TEX14: variants seen among roughly 807,000 people sequenced by gnomAD.
TEX14 encodes the protein testis expressed 14, intercellular bridge forming factor.
In TEX14, 168 loss-of-function variants were observed where a neutral mutation model predicts 178.6. The ratio of observed to expected loss-of-function variants is 0.94; its 90% CI spans 0.83 to 1.07. TEX14 has a LOEUF of 1.07. Ranked by LOEUF, TEX14 falls within the 50% of genes least tolerant of loss-of-function variation. TEX14 has a pLI of 0.00. For synonymous variants in TEX14, 626 were observed against 634.1 expected, an observed-to-expected ratio of 0.99 and a Z score of 0.19; for missense variants, 1,730 against 1,753.6, an observed-to-expected ratio of 0.99 and a Z score of 0.24.
intron 19 of TEX14, among the ~76,000 whole-genome samples, chr17:58,580,468 C>T (rs576794175): frequency 2.0e-5 from 3 of 152,144 alleles, no homozygotes; most frequent in African/African-American, 4.8e-5. Flanking sequence ...CCTGCCACTG[C>T]GCCCGGTTAA....
At chr17:58,558,945 A>C (rs1039008995) in intron 30 of TEX14, among the ~76,000 whole-genome samples, 1 of 152,098 alleles carries the variant, frequency 6.6e-6, no homozygotes, top group African/African-American at 2.4e-5. Context: ...CGAGGCAGGC[A>C]GATCACCTGA....
In TEX14 at chr17:58,576,441, G is replaced by A. The variant is rs552262961; in HGVS notation, c.3320+934C>T. Among the ~76,000 whole-genome samples, 44 of 151,466 alleles carry A rather than the reference G, an allele frequency of 2.9e-4. 1 individual carries two copies. The highest frequency in any genetic ancestry group is 1.7e-4 in the African/African-American group (7 of 41,136). ...GGAGGTTGCAGTGAGCTGAGATCAC[G>A]CCACTGCAGTGAGCTGAGATCACGC... On this transcript the variant is annotated intron_variant, in intron 21 of 31. Coordinates refer to ENST00000349033, the MANE Select transcript of TEX14 (RefSeq NM_031272.5).
In TEX14 at chr17:58,610,948, T is replaced by C. The variant is rs553927436; in HGVS notation, c.1184+213A>G. The stretch of plus-strand genomic sequence containing the variant: ...TATAGCATTTATGCACATTGGCTAA[T>C]ACGAGCTCTTACTTGTTAAATGTTT... On this transcript the variant is annotated intron_variant, in intron 10 of 31. Coordinates refer to ENST00000349033, the MANE Select transcript of TEX14 (RefSeq NM_031272.5). 4.6e-5 allele frequency among the ~76,000 whole-genome samples: 7 copies of C among 152,054 alleles called. No individual in the cohort carries two copies. In the South Asian group the frequency reaches 1.2e-3, roughly 27 times the overall value.
chr17:58,599,042 C>A lies in TEX14; in HGVS notation c.2303G>T (p.Arg768Leu), dbSNP rs202219643. 1 of 1,614,142 alleles carries A rather than the reference C, an allele frequency of 6.2e-7. No individual in the cohort carries two copies. Among genetic ancestry groups the A allele is most frequent in the South Asian group, 1.1e-5 (1 of 91,076 alleles). The change falls in exon 14 of 32, where the codon CGC becomes CTC. Residue 768 changes from arginine (R) to leucine (L), a missense_variant. Physicochemically the swap from Arg to Leu is moderately radical, Grantham distance 102. Around this residue, in one of 2 missense-constraint regions of TEX14, gnomAD observed 941 missense variants for 1,072.4 expected, o/e 0.88. Coordinates refer to ENST00000349033, the MANE Select transcript of TEX14 (RefSeq NM_031272.5). Reference sequence around the variant, plus strand: ...TCTTGAAGTGGCCCATAAAGACATGCGCTCTTCCTGTTCCTTCTGTTTCAT... The same window carrying A: ...TCTTGAAGTGGCCCATAAAGACATGAGCTCTTCCTGTTCCTTCTGTTTCAT... ...VEMKQKEQEE[R>L]MSLWATSREF...
rs576968926 is a variant in TEX14 at position 58,659,044 on chromosome 17, G to T, written c.-1-7042C>A. 3.1e-4 allele frequency among the ~76,000 whole-genome samples: 46 copies of T among 150,390 alleles called. 1 individual carries two copies. The highest frequency in any genetic ancestry group is 8.8e-5 in the Non-Finnish European group (6 of 67,848). ...CAGACCGTAACCTAAGAAGACGTAAGGTCATAACCACAACTCCAAAACCAA... is the reference window on the plus strand; with the variant it reads ...CAGACCGTAACCTAAGAAGACGTAATGTCATAACCACAACTCCAAAACCAA... On this transcript the variant is annotated intron_variant, in intron 1 of 31. Transcript: ENST00000349033.
At chr17:58,688,518 C>A (rs1035007888) in intron 1 of TEX14, among the ~76,000 whole-genome samples, 3 of 152,148 alleles carry the variant, frequency 2.0e-5, no homozygotes, top group African/African-American at 7.2e-5. Flanking sequence ...CATTAGAATG[C>A]TGTAAAAACT....
At chr17:58,628,335 T>C (rs892961485) in intron 3 of TEX14, among the ~76,000 whole-genome samples, 1 of 151,990 alleles carries the variant, frequency 6.6e-6, no homozygotes, top group East Asian at 1.9e-4. Context: ...TCCCAGCACT[T>C]TGGGAGACTG....
chr17:58,639,445 A>G (rs2144605919), intron 2 of TEX14, among the ~76,000 whole-genome samples: 1 of 152,164 alleles, frequency 6.6e-6, no homozygotes, highest in African/African-American at 2.4e-5. Context: ...TCACGCCTGT[A>G]ATTGCAGCAC....
chr17:58,661,920 A>AC, intron 1 of TEX14: 1 of 215,936 alleles, frequency 4.6e-6, no homozygotes, highest in Admixed American at 5.7e-5. Flanking sequence ...AAATGCAGCT[A>AC]CCCCCAACCC....
intron 24 of TEX14, among the ~76,000 whole-genome samples, chr17:58,571,560 AG>A (rs1432998012): frequency 1.3e-5 from 2 of 151,934 alleles, no homozygotes; most frequent in African/African-American, 4.8e-5. Flanking sequence ...TTTCCTGACT[AG>A]GGTACACATA....
At chr17:58,586,833 G>C (rs1023846729) in intron 17 of TEX14, among the ~76,000 whole-genome samples, 1 of 151,998 alleles carries the variant, frequency 6.6e-6, no homozygotes, top group Non-Finnish European at 1.5e-5. Flanking sequence ...CAGGTAGTCC[G>C]GTTTCCTCCC....
intron 2 of TEX14, among the ~76,000 whole-genome samples, chr17:58,643,760 T>C (rs1296847827): frequency 6.7e-6 from 1 of 148,770 alleles, no homozygotes; most frequent in Non-Finnish European, 1.5e-5. Flanking sequence ...TAAACCCAGC[T>C]AATAGGGAGG....
intron 3 of TEX14, among the ~76,000 whole-genome samples, chr17:58,629,841 A>AT (rs1567745979): frequency 2.6e-5 from 4 of 151,608 alleles, no homozygotes; most frequent in Non-Finnish European, 4.4e-5. Context: ...TCTGAAAAAA[A>AT]AAAAAAAATA....
chr17:58,631,828 T>C (rs749970916), intron 2 of TEX14: 14 of 148,956 alleles, frequency 9.4e-5, no homozygotes, highest in East Asian at 3.9e-4. Context: ...TCCCTCAAAA[T>C]ATAGTCTTAA....
At chr17:58,605,421 A>C (rs760966197) in intron 10 of TEX14, among the ~76,000 whole-genome samples, 1 of 152,160 alleles carries the variant, frequency 6.6e-6, no homozygotes, top group Non-Finnish European at 1.5e-5. Flanking sequence ...GGGTCTTTTA[A>C]TCAACATACT....
At chr17:58,626,320 C>T (rs1389185977) in intron 3 of TEX14, among the ~76,000 whole-genome samples, 1 of 151,856 alleles carries the variant, frequency 6.6e-6, no homozygotes, top group South Asian at 2.1e-4. Context: ...AATCCTAGCA[C>T]ATCGGGAGGC....
In TEX14 at chr17:58,661,057, C is replaced by CACA; in HGVS notation, c.-1-9058_-1-9056dup. On this transcript the variant is annotated intron_variant, in intron 1 of 31. Coordinates refer to ENST00000349033, the MANE Select transcript of TEX14 (RefSeq NM_031272.5). Reference sequence around the variant, plus strand: ...GCTCATTATCTGCTTGACCACTTTCCACAGCAGATTTCATTGTAGACAACT... The same window carrying CACA: ...GCTCATTATCTGCTTGACCACTTTCCACAACAGCAGATTTCATTGTAGACAACT... 4.6e-6 allele frequency: 5 copies of CACA among 1,096,278 alleles called. No individual in the cohort carries two copies. In the South Asian group the frequency reaches 6.2e-5, roughly 14 times the overall value. The allele number at this position is 1,096,278 out of a possible 1,614,324, so 67.9% of individuals were successfully genotyped here.
intron 1 of TEX14, among the ~76,000 whole-genome samples, chr17:58,680,966 A>C (rs1447544015): frequency 6.6e-6 from 1 of 152,066 alleles, no homozygotes; most frequent in Non-Finnish European, 1.5e-5. Flanking sequence ...CCATCTTTAC[A>C]AAAGGAAGAA....
intron 9 of TEX14, 44 bp downstream of exon 9, chr17:58,613,377 A>C: frequency 6.2e-7 from 1 of 1,612,570 alleles, no homozygotes; most frequent in Non-Finnish European, 8.5e-7. Flanking sequence ...GAGGGAAGAA[A>C]CTGGGAGGTC....
Sources: allele counts gnomAD v4.1 joint callset (sites outside exome capture counted in the v4.1 genomes callset), GRCh38; gene constraint gnomAD v4.1.1; regional missense constraint gnomAD v4.1.1; transcripts MANE v1.5; gene names NCBI Gene and HGNC (gene_info 2026-07-23, HGNC 2026-07-21).